The following ARRB1 variants were observed in gnomAD, a reference collection of about 807,000 sequenced individuals.
ARRB1 encodes beta-arrestin-1.
In ARRB1, 21 loss-of-function variants were observed where a neutral mutation model predicts 56.8. That is an observed-to-expected ratio of 0.37 (90% CI 0.26 to 0.53). The LOEUF (loss-of-function observed/expected upper bound fraction) is 0.53, where lower values mean the gene tolerates loss of function less well. Ranked by LOEUF, ARRB1 falls within the 20% of genes least tolerant of loss-of-function variation. The pLI is 0.88. For missense variants in ARRB1, 424 were observed against 553.7 expected (o/e 0.77, Z 2.35); for synonymous variants, 210 against 218.6 (o/e 0.96, Z 0.35).
Position 75,262,657 on chromosome 11 carries a change from G to A in ARRB1, c.*3506C>T, listed in dbSNP as rs886532047. On this transcript the variant is annotated 3_prime_UTR_variant, in exon 16 of 16. Coordinates refer to ENST00000420843, the MANE Select transcript of ARRB1 (RefSeq NM_004041.5). ...ATCTGGGCCTCATAACAATTCCTGC[G>A]TCAGGCAGGGAAGGGATTACAATCC... 5.9e-5 allele frequency among the ~76,000 whole-genome samples: 9 copies of A among 152,258 alleles called. No individual in the cohort carries two copies. The highest frequency in any genetic ancestry group is 1.7e-4 in the African/African-American group (7 of 41,550).
intron 1 of ARRB1, among the ~76,000 whole-genome samples, chr11:75,343,937 TC>T (rs1947729771): frequency 6.6e-6 from 1 of 151,848 alleles, no homozygotes; most frequent in South Asian, 2.1e-4. Flanking sequence ...TGCCTCAGCC[TC>T]CGGAGTAGCT....
chr11:75,330,009 A>G (rs1034690230), intron 1 of ARRB1, among the ~76,000 whole-genome samples: 1 of 152,150 alleles, frequency 6.6e-6, no homozygotes, highest in East Asian at 1.9e-4. Flanking sequence ...TCTAAAAAAA[A>G]AAAAAGTCAC....
intron 11 of ARRB1, among the ~76,000 whole-genome samples, chr11:75,273,301 C>A (rs1319932691): frequency 6.6e-6 from 1 of 152,144 alleles, no homozygotes; most frequent in Admixed American, 6.5e-5. Flanking sequence ...CTCTCAGCAA[C>A]CCATGGGCAG....
At chr11:75,281,012 C>G in intron 7 of ARRB1, 63 bp downstream of exon 7, 1 of 1,535,030 alleles carries the variant, frequency 6.5e-7, no homozygotes, top group Non-Finnish European at 8.9e-7. Context: ...TCCTCTTGGA[C>G]TTTGCCCATC....
At chr11:75,291,468 G>A (rs1383367658) in intron 1 of ARRB1, among the ~76,000 whole-genome samples, 3 of 152,186 alleles carry the variant, frequency 2.0e-5, no homozygotes, top group Non-Finnish European at 4.4e-5. Flanking sequence ...CCCAGGAAAG[G>A]CAGAGAATAA....
At chr11:75,332,895 A>C (rs372859690) in intron 1 of ARRB1, among the ~76,000 whole-genome samples, 1 of 146,902 alleles carries the variant, frequency 6.8e-6, no homozygotes, top group South Asian at 2.1e-4. Flanking sequence ...ACTCCATCTC[A>C]AAAAAAAAAA....
intron 1 of ARRB1, among the ~76,000 whole-genome samples, chr11:75,310,402 G>A (rs1195746284): frequency 6.6e-6 from 1 of 152,154 alleles, no homozygotes; most frequent in Non-Finnish European, 1.5e-5. Context: ...GGGGCTTAAA[G>A]TCTAGCAGGG....
intron 1 of ARRB1, chr11:75,306,470 C>T (rs1947032905): frequency 1.3e-5 from 9 of 700,540 alleles, no homozygotes; most frequent in Non-Finnish European, 2.0e-5. Context: ...CAATGCACAT[C>T]TCATGGAGAG....
Position 75,315,021 on chromosome 11 carries a change from C to T in ARRB1, c.21-24982G>A, listed in dbSNP as rs79883382. Among the ~76,000 whole-genome samples the T allele has an allele frequency of 2.4e-4, 36 of 152,308 alleles. No homozygotes were observed. The East Asian group carries it at 6.8e-3, about 29-fold the overall frequency. Reference sequence around the variant, plus strand: ...CCATTGAGAGAGCAGGGCCTGCACTCGGGACGCCTGGGTCCCAGTTAGTGC... The same window carrying T: ...CCATTGAGAGAGCAGGGCCTGCACTTGGGACGCCTGGGTCCCAGTTAGTGC... On this transcript the variant is annotated intron_variant, in intron 1 of 15. Transcript: ENST00000420843.
intron 13 of ARRB1, chr11:75,269,165 A>C (rs1245691802): frequency 4.0e-6 from 3 of 741,736 alleles, no homozygotes; most frequent in Non-Finnish European, 7.4e-6. Context: ...GGTCCCAAAA[A>C]GAAATGGAAG....
chr11:75,300,968 A>AG (rs1946889425), intron 1 of ARRB1, among the ~76,000 whole-genome samples: 1 of 61,608 alleles, frequency 1.6e-5, no homozygotes, highest in Non-Finnish European at 3.2e-5. Flanking sequence ...ACTCCGTCTC[A>AG]AAAAAAAAAA....
intron 12 of ARRB1, among the ~76,000 whole-genome samples, chr11:75,272,055 C>T (rs372256796): frequency 2.6e-5 from 4 of 152,262 alleles, no homozygotes; most frequent in East Asian, 1.9e-4. Flanking sequence ...GGAAGGACTC[C>T]GGGGTTGCCA....
In ARRB1 at chr11:75,276,893, A is replaced by G. The variant is rs375749392; in HGVS notation, c.722T>C (p.Ile241Thr). Residue 241 changes from isoleucine (I) to threonine (T), a missense_variant, in exon 10 of 16, where the codon ATC (isoleucine) becomes ACC (threonine). By Grantham distance (89) the Ile-to-Thr change is moderately conservative. Around this residue, in one of 3 missense-constraint regions of ARRB1, gnomAD observed 301 missense variants for 387.9 expected, o/e 0.78. Coordinates refer to ENST00000420843, the MANE Select transcript of ARRB1 (RefSeq NM_004041.5). ...GTACTGAGCTGTGTTGAAAAGGCAG[A>G]TGTCTGCATACTGGCGCACTAGGGA... ...IKISVRQYAD[I>T]CLFNTAQYKC... 89 of 1,614,090 alleles carry G rather than the reference A, an allele frequency of 5.5e-5. No homozygotes were observed. Among genetic ancestry groups the G allele is most frequent in the Non-Finnish European group, 7.5e-5 (89 of 1,180,024 alleles).
At chr11:75,306,570 A>G (rs1947035819) in intron 1 of ARRB1, 1 of 1,280,884 alleles carries the variant, frequency 7.8e-7, no homozygotes, top group African/African-American at 1.5e-5. Flanking sequence ...TACAGATGAG[A>G]GCCCAAAGAT....
Position 75,265,929 on chromosome 11 carries a change from G to C in ARRB1, c.*234C>G. ...TCTGGGAGACAGCATGAAAAGGAGG[G>C]GAGTGGAGATGGCAGAGATGGGGTG... is the stretch of plus-strand genomic sequence containing the variant. On this transcript the variant is annotated 3_prime_UTR_variant, in exon 16 of 16. Coordinates refer to ENST00000420843, the MANE Select transcript of ARRB1 (RefSeq NM_004041.5). 1 of 544,162 alleles carries C rather than the reference G, an allele frequency of 1.8e-6. No individual in the cohort carries two copies. Among genetic ancestry groups the C allele is most frequent in the South Asian group, 2.1e-5 (1 of 46,618 alleles). The allele number at this position is 544,162 out of a possible 1,614,324, so 33.7% of individuals were successfully genotyped here.
chr11:75,287,440 G>T, intron 2 of ARRB1, 65 bp from the exon 3 acceptor site: 1 of 1,509,272 alleles, frequency 6.6e-7, no homozygotes, highest in Non-Finnish European at 9.0e-7. Flanking sequence ...ACCCTGTCTT[G>T]GAGGAAACCC....
At chr11:75,304,784 C>T (rs983301172) in intron 1 of ARRB1, among the ~76,000 whole-genome samples, 1 of 151,816 alleles carries the variant, frequency 6.6e-6, no homozygotes, top group South Asian at 2.1e-4. Flanking sequence ...AGAAACCCTG[C>T]TTGGAGCAGT....
In ARRB1 at chr11:75,281,118, T is replaced by G. The variant is rs1565112521; in HGVS notation, c.439A>C (p.Lys147Gln). The G allele has an allele frequency of 2.5e-6, 4 of 1,601,976 alleles. No homozygotes were observed. Among genetic ancestry groups the G allele is most frequent in the Non-Finnish European group, 3.4e-6 (4 of 1,173,958 alleles). Residue 147 changes from lysine to glutamine, a missense_variant, in exon 7 of 16, where the codon AAA (lysine) becomes CAA (glutamine). Physicochemically the swap from Lys to Gln is moderately conservative, Grantham distance 53. This residue lies in a region of ARRB1 where 301 missense variants were observed against 387.9 expected (regional missense o/e 0.78). Coordinates refer to ENST00000420843, the MANE Select transcript of ARRB1 (RefSeq NM_004041.5). ...GKACGVDYEV[K>Q]AFCAENLEEK... ...TCCAAATTCTCCGCGCAGAAGGCTT[T>G]GACTTCATAGTCCACACCGCAAGCC...
intron 1 of ARRB1, among the ~76,000 whole-genome samples, chr11:75,310,557 G>A (rs184151153): frequency 5.9e-5 from 9 of 152,132 alleles, no homozygotes; most frequent in African/African-American, 1.9e-4. Flanking sequence ...GGCTTCCCAC[G>A]GGGTTTGGAG....
Sources: allele counts gnomAD v4.1 joint callset (sites outside exome capture counted in the v4.1 genomes callset), GRCh38; gene constraint gnomAD v4.1.1; regional missense constraint gnomAD v4.1.1; transcripts MANE v1.5; gene names NCBI Gene and HGNC (gene_info 2026-07-23, HGNC 2026-07-21).